MX1: variants seen among roughly 807,000 people sequenced by gnomAD.
The protein encoded by MX1 is interferon-induced GTP-binding protein Mx1.
Under a neutral mutation model 66.4 loss-of-function variants are expected in MX1, and 66 were observed. That is an observed-to-expected ratio of 0.99 (90% CI 0.82 to 1.22). The LOEUF (loss-of-function observed/expected upper bound fraction) is 1.22, where lower values mean the gene tolerates loss of function less well. Ranked by LOEUF, MX1 falls within the 50% of genes most tolerant of loss-of-function variation. The probability of loss-of-function intolerance (pLI) is 0.00; values close to 1 mark genes in which losing one functional copy is unlikely to be tolerated. For synonymous variants in MX1, 311 were observed against 318.1 expected, an observed-to-expected ratio of 0.98 and a Z score of 0.24; for missense variants, 787 against 834.3, an observed-to-expected ratio of 0.94 and a Z score of 0.70.
chr21:41,446,811 A>C (rs2090675918), intron 13 of MX1, among the ~76,000 whole-genome samples: 1 of 152,232 alleles, frequency 6.6e-6, no homozygotes, highest in African/African-American at 2.4e-5. Context: ...AAGTTTCAAC[A>C]TAGGAATTTT....
In MX1 at chr21:41,445,504, G is replaced by A. The variant is rs115187240; in HGVS notation, c.1065G>A (p.Glu355=). ...QIKETHQRIT[E]ELQKYGVDIP... The stretch of plus-strand genomic sequence containing the variant: ...AGGAGACTCACCAGAGAATAACAGA[G>A]GAGCTACAAAAGTATGGTGTCGACA... Residue 355 remains glutamate (E), a synonymous_variant, in exon 12 of 17, where the codon GAG becomes GAA. Transcript: ENST00000398598. The A allele has an allele frequency of 7.7e-4, 1,242 of 1,614,160 alleles. 11 individuals are homozygous for A. The African/African-American group carries it at 0.015, about 19-fold the overall frequency.
chr21:41,445,383 G>A, intron 11 of MX1, 65 bp from the exon 12 acceptor site: 1 of 1,591,612 alleles, frequency 6.3e-7, no homozygotes. Context: ...GGGAGGCCCG[G>A]GACCTCCTTT....
At chr21:41,442,012 TGTGTGTGTGTGTGC>T (rs200209659) in intron 10 of MX1, 98 bp downstream of exon 10, 33 of 1,068,788 alleles carry the variant, frequency 3.1e-5, no homozygotes, top group East Asian at 1.7e-4. Context: ...GTGGAGTGTG[TGTGTGTGTGTGTGC>T]GTGTGTGTGT....
At chr21:41,453,940 A>C (rs2090897712) in intron 16 of MX1, among the ~76,000 whole-genome samples, 1 of 152,174 alleles carries the variant, frequency 6.6e-6, no homozygotes, top group Non-Finnish European at 1.5e-5. Flanking sequence ...TATGTAGATG[A>C]AGACTCTGGG....
rs552027253 is a variant in MX1 at position 41,439,878 on chromosome 21, C to T, written c.591+30C>T. ...GACTTCAGACCCATTCTGACCTTGG[C>T]CGTGGCGTGGGGATGGGGGAGTGGA... On this transcript the variant is annotated intron_variant, in intron 8 of 16. Transcript: ENST00000398598. 7 of 1,588,076 alleles carry T rather than the reference C, an allele frequency of 4.4e-6. No homozygotes were observed. The Admixed American group carries it at 8.4e-5, about 19-fold the overall frequency.
intron 13 of MX1, among the ~76,000 whole-genome samples, chr21:41,446,871 A>G (rs1253716966): frequency 6.6e-6 from 1 of 152,204 alleles, no homozygotes; most frequent in Non-Finnish European, 1.5e-5. Flanking sequence ...ACCGTGGTAA[A>G]CCTGATACGT....
chr21:41,439,892 T>TGGGGTG, intron 8 of MX1, 44 bp downstream of exon 8: 1 of 1,064,432 alleles, frequency 9.4e-7, no homozygotes, highest in Non-Finnish European at 1.3e-6. Flanking sequence ...GGCGTGGGGA[T>TGGGGTG]GGGGGAGTGG....
chr21:41,433,728 A>T (rs539269026), intron 5 of MX1, among the ~76,000 whole-genome samples: 1 of 152,278 alleles, frequency 6.6e-6, no homozygotes, highest in African/African-American at 2.4e-5. Context: ...TGACCCAGGG[A>T]GGTGTGTGCA....
At chr21:41,424,255 G>GTGTGTT (rs1324055261), upstream of MX1, among the ~76,000 whole-genome samples, 129 of 149,108 alleles carry the variant, frequency 8.7e-4, no homozygotes, top group African/African-American at 2.9e-3. Context: ...GTGTGTGTGT[G>GTGTGTT]TGTGTGTTAA....
intron 13 of MX1, among the ~76,000 whole-genome samples, chr21:41,447,520 C>G (rs1033301163): frequency 3.9e-5 from 6 of 152,076 alleles, no homozygotes; most frequent in African/African-American, 1.4e-4. Context: ...AAGAAGCCAG[C>G]CACAAAGGCC....
chr21:41,442,129 A>C (rs2090539212), intron 10 of MX1, among the ~76,000 whole-genome samples: 2 of 149,896 alleles, frequency 1.3e-5, no homozygotes, highest in African/African-American at 4.9e-5. Context: ...TACTGCCAAG[A>C]AAAAAAAAAC....
At chr21:41,429,969 T>C (rs1438518454) in intron 3 of MX1, 1 of 151,534 alleles carries the variant, frequency 6.6e-6, no homozygotes, top group Non-Finnish European at 1.5e-5. Context: ...CAAGGATGCC[T>C]GCCCTGGAAG....
At chr21:41,429,138 G>A (rs916467507) in intron 3 of MX1, 2 of 152,300 alleles carry the variant, frequency 1.3e-5, no homozygotes, top group African/African-American at 4.8e-5. Context: ...TCCAAGGCCG[G>A]AACTGGTGCC....
chr21:41,452,439 C>A (rs888170933), intron 15 of MX1, among the ~76,000 whole-genome samples, 182 bp from the exon 16 acceptor site: 1 of 152,186 alleles, frequency 6.6e-6, no homozygotes. Context: ...AAGCTCTGAC[C>A]CTCAGCCAGG....
chr21:41,449,085 G>C, intron 13 of MX1, 52 bp from the exon 14 acceptor site: 1 of 1,502,512 alleles, frequency 6.7e-7, no homozygotes, highest in East Asian at 2.3e-5. Flanking sequence ...TTAGAAAAAT[G>C]TGCAAGATTA....
At chr21:41,447,306 A>G (rs746042136) in intron 13 of MX1, among the ~76,000 whole-genome samples, 3 of 152,096 alleles carry the variant, frequency 2.0e-5, no homozygotes, top group Non-Finnish European at 4.4e-5. Context: ...CCTGATTTCA[A>G]TTTAATTACC....
chr21:41,449,499 A>G (rs2090765081), intron 14 of MX1: 1 of 487,620 alleles, frequency 2.1e-6, no homozygotes. Context: ...TGGACCCCAT[A>G]GCTTAAGGGC....
Position 41,452,350 on chromosome 21 carries a change from G to A in MX1, c.1510-271G>A, listed in dbSNP as rs545227022. ...AGAGAAAGGAAAGAAGCTGAGTTAC[G>A]GGGCCTGAAAGCAAGCCTGTGCAGG... On this transcript the variant is annotated intron_variant, in intron 15 of 16. Coordinates refer to ENST00000398598, the MANE Select transcript of MX1 (RefSeq NM_002462.5). Among the ~76,000 whole-genome samples the A allele has an allele frequency of 3.1e-4, 47 of 152,300 alleles. No homozygotes were observed. The Middle Eastern group carries it at 0.014, about 44-fold the overall frequency.
intron 11 of MX1, among the ~76,000 whole-genome samples, chr21:41,444,314 C>CTTTTTTTTTT (rs1300035216): frequency 1.9e-5 from 2 of 103,328 alleles, no homozygotes; most frequent in East Asian, 2.8e-4. Flanking sequence ...CTTTTCTTTT[C>CTTTTTTTTTT]TTTCTTTTTT....
Sources: gnomAD v4.1 joint callset for allele counts (sites outside exome capture counted in the v4.1 genomes callset) on GRCh38, gnomAD v4.1.1 for gene constraint, MANE v1.5 for transcripts, NCBI Gene and HGNC (gene_info 2026-07-23, HGNC 2026-07-21) for gene names.